The following IGSF11 variants were observed in gnomAD, a reference collection of about 807,000 sequenced individuals.
IGSF11 encodes CXADR like 1.
IGSF11 carries 22 observed loss-of-function variants against 41.0 expected under a neutral mutation model. The observed-to-expected ratio is 0.54, with a 90% CI of 0.38 to 0.77. The LOEUF is 0.77. Among genes scored for constraint, IGSF11 ranks in the 30% least tolerant of loss-of-function variants. The probability of loss-of-function intolerance (pLI) is 0.00; values close to 1 mark genes in which losing one functional copy is unlikely to be tolerated. For synonymous variants in IGSF11, 219 were observed against 201.3 expected, an observed-to-expected ratio of 1.09 and a Z score of -0.74; for missense variants, 444 against 530.8, an observed-to-expected ratio of 0.84 and a Z score of 1.61.
At chr3:119,011,314 AG>A (rs1938085405) in intron 1 of IGSF11, among the ~76,000 whole-genome samples, 1 of 152,184 alleles carries the variant, frequency 6.6e-6, no homozygotes, top group Admixed American at 6.5e-5. Flanking sequence ...CAGAAACCAG[AG>A]CCCCCGGATA....
chr3:118,951,440 C>T (rs1428147266), intron 1 of IGSF11, among the ~76,000 whole-genome samples: 1 of 152,062 alleles, frequency 6.6e-6, no homozygotes, highest in Non-Finnish European at 1.5e-5. Context: ...GATACAACTA[C>T]ACACACACAT....
chr3:119,136,987 A>T (rs902530627), intron 1 of IGSF11, among the ~76,000 whole-genome samples: 1 of 152,180 alleles, frequency 6.6e-6, no homozygotes, highest in Non-Finnish European at 1.5e-5. Context: ...TACAATAACT[A>T]AAAATAAAAT....
intron 1 of IGSF11, among the ~76,000 whole-genome samples, chr3:118,966,640 G>A (rs6785161): frequency 0.092 from 14,054 of 152,040 alleles, 1,310 homozygotes; most frequent in African/African-American, 0.24. Flanking sequence ...CGCCAGGTTC[G>A]GGTTAGCACA....
intron 1 of IGSF11, among the ~76,000 whole-genome samples, chr3:118,978,581 G>A (rs191068798): frequency 1.2e-3 from 186 of 152,296 alleles, no homozygotes; most frequent in African/African-American, 3.5e-3. Flanking sequence ...ACTGAAGCCT[G>A]AAGACTGGCA....
chr3:118,923,046 A>G (rs773084851), intron 4 of IGSF11, among the ~76,000 whole-genome samples: 9 of 152,042 alleles, frequency 5.9e-5, no homozygotes, highest in Non-Finnish European at 1.0e-4. Flanking sequence ...CAGGTATAAA[A>G]CTCAGAGTGA....
At chr3:119,091,631 A>G (rs1443330965) in intron 1 of IGSF11, among the ~76,000 whole-genome samples, 1 of 152,224 alleles carries the variant, frequency 6.6e-6, no homozygotes, top group Non-Finnish European at 1.5e-5. Flanking sequence ...GCATGTTCTC[A>G]CTTATAACTG....
intron 1 of IGSF11, among the ~76,000 whole-genome samples, chr3:119,049,493 A>C (rs1159650167): frequency 6.6e-6 from 1 of 152,210 alleles, no homozygotes; most frequent in Non-Finnish European, 1.5e-5. Context: ...TCAAGGAAAT[A>C]AAAGAGGATA....
At chr3:119,008,436 A>G (rs1369579) in intron 1 of IGSF11, among the ~76,000 whole-genome samples, 1,615 of 152,316 alleles carry the variant, frequency 0.011, 32 homozygotes, top group East Asian at 0.061. Flanking sequence ...TATAGTACAC[A>G]GTCTAAATCT....
chr3:118,928,676 G>A lies in IGSF11; in HGVS notation c.257C>T (p.Pro86Leu). The A allele has an allele frequency of 1.9e-6, 3 of 1,614,016 alleles. No homozygotes were observed. The highest frequency in any genetic ancestry group is 2.5e-6 in the Non-Finnish European group (3 of 1,179,968). The change falls in exon 3 of 7, where the codon CCC becomes CTC. Residue 86 changes from proline to leucine, a missense_variant. This residue lies in a region of IGSF11 where 193 missense variants were observed against 283.5 expected (regional missense o/e 0.68). Coordinates refer to ENST00000393775, the MANE Select transcript of IGSF11 (RefSeq NM_001015887.3). The stretch of plus-strand genomic sequence containing the variant: ...AAATCCTACCCTACCGTGGAACCGG[G>A]GGGCACCATCAAACATCTGTCCACC... The part of the protein sequence containing the change: ...YQGGQMFDGA[P>L]RFHGRVGFTG...
intron 1 of IGSF11, among the ~76,000 whole-genome samples, chr3:119,113,632 G>C (rs893668857): frequency 6.6e-6 from 1 of 152,210 alleles, no homozygotes; most frequent in Non-Finnish European, 1.5e-5. Context: ...CTAGGGTGGA[G>C]TGCCTGCAGC....
intron 1 of IGSF11, among the ~76,000 whole-genome samples, chr3:119,091,999 G>C (rs538042400): frequency 1.4e-5 from 2 of 145,488 alleles, no homozygotes; most frequent in East Asian, 4.0e-4. Flanking sequence ...TTTTTGGGGG[G>C]GGGGGGTTGG....
chr3:119,032,821 A>C (rs1270447779), intron 1 of IGSF11, among the ~76,000 whole-genome samples: 1 of 152,240 alleles, frequency 6.6e-6, no homozygotes, highest in Non-Finnish European at 1.5e-5. Flanking sequence ...TTAAAAATGC[A>C]AACTCCTTAC....
At chr3:119,041,527 G>A (rs1941118261) in intron 1 of IGSF11, among the ~76,000 whole-genome samples, 2 of 152,126 alleles carry the variant, frequency 1.3e-5, no homozygotes, top group Non-Finnish European at 2.9e-5. Flanking sequence ...AGAGGTTGCT[G>A]TGAGCCGAGA....
intron 1 of IGSF11, among the ~76,000 whole-genome samples, chr3:119,040,573 C>T (rs754915257): frequency 4.6e-5 from 7 of 152,122 alleles, no homozygotes; most frequent in African/African-American, 1.2e-4. Flanking sequence ...TCCCTCTCCC[C>T]GTTGTATTTT....
At chr3:119,130,205 T>A (rs1403687856) in intron 1 of IGSF11, among the ~76,000 whole-genome samples, 1 of 151,942 alleles carries the variant, frequency 6.6e-6, no homozygotes, top group Non-Finnish European at 1.5e-5. Flanking sequence ...CTGGGACTGG[T>A]TGGAGAATGG....
At chr3:118,944,189 T>C (rs1366833602) in intron 1 of IGSF11, among the ~76,000 whole-genome samples, 2 of 152,228 alleles carry the variant, frequency 1.3e-5, no homozygotes, top group Non-Finnish European at 2.9e-5. Flanking sequence ...ATATTTTAAA[T>C]GTGGAAGTAA....
chr3:119,083,698 CA>C (rs1272751622), intron 1 of IGSF11, among the ~76,000 whole-genome samples: 1 of 152,144 alleles, frequency 6.6e-6, no homozygotes, highest in Non-Finnish European at 1.5e-5. Flanking sequence ...CATTATTCAC[CA>C]GTTTGTGTAA....
intron 1 of IGSF11, among the ~76,000 whole-genome samples, chr3:119,113,745 G>T (rs992009755): frequency 1.3e-5 from 2 of 152,242 alleles, no homozygotes; most frequent in Admixed American, 1.3e-4. Context: ...CCCCAGTGGG[G>T]ACTCTGTGTG....
chr3:119,034,445 G>A, intron 1 of IGSF11, 86 bp downstream of exon 1: 2 of 1,262,134 alleles, frequency 1.6e-6, no homozygotes, highest in South Asian at 3.6e-5. Flanking sequence ...AAAGCAAGGA[G>A]GCTCTTTGCC....
Sources: allele counts gnomAD v4.1 joint callset (sites outside exome capture counted in the v4.1 genomes callset), GRCh38; gene constraint gnomAD v4.1.1; regional missense constraint gnomAD v4.1.1; transcripts MANE v1.5; gene names NCBI Gene and HGNC (gene_info 2026-07-23, HGNC 2026-07-21).